The following KCNIP4 variants were observed in gnomAD, a reference collection of about 807,000 sequenced individuals.
KCNIP4 encodes potassium voltage-gated channel interacting protein 4.
KCNIP4 carries 12 observed loss-of-function variants against 34.0 expected under a neutral mutation model. The observed-to-expected ratio is 0.35, with a 90% confidence interval of 0.23 to 0.57. The LOEUF (loss-of-function observed/expected upper bound fraction) is 0.57. Among genes scored for constraint, KCNIP4 ranks in the 20% least tolerant of loss-of-function variants. The pLI is 0.83. For missense variants in KCNIP4, 238 were observed against 311.7 expected (o/e 0.76, Z 1.78); for synonymous variants, 124 against 102.2 (o/e 1.21, Z -1.29).
intron 1 of KCNIP4, among the ~76,000 whole-genome samples, chr4:20,890,571 A>G (rs1725817781): frequency 6.6e-6 from 1 of 152,116 alleles, no homozygotes; most frequent in Admixed American, 6.6e-5. Flanking sequence ...GCTACCTACA[A>G]TGGGCAGATT....
intron 3 of KCNIP4, among the ~76,000 whole-genome samples, chr4:20,827,808 C>CAAA (rs11295104): frequency 1.4e-5 from 2 of 142,552 alleles, no homozygotes; most frequent in South Asian, 2.2e-4. Flanking sequence ...CCATCCCCCT[C>CAAA]AAAAAAAAAA....
intron 1 of KCNIP4, among the ~76,000 whole-genome samples, chr4:20,973,688 C>T (rs1735203597): frequency 6.6e-6 from 1 of 152,128 alleles, no homozygotes; most frequent in African/African-American, 2.4e-5. Context: ...AGATGTATGA[C>T]TCTTCCCTTT....
At chr4:21,579,635 A>G (rs1033348968) in intron 1 of KCNIP4, among the ~76,000 whole-genome samples, 7 of 152,006 alleles carry the variant, frequency 4.6e-5, no homozygotes, top group African/African-American at 1.7e-4. Flanking sequence ...ACCCTCAAAC[A>G]CCTTGCTTTT....
In KCNIP4 at chr4:20,849,169, C is replaced by A. The variant is rs111934419; in HGVS notation, c.288+1374G>T. On this transcript the variant is annotated intron_variant, in intron 3 of 8. Transcript: ENST00000382152. The stretch of plus-strand genomic sequence containing the variant: ...CTATCAGATTCCTTTAATCAGTGGT[C>A]TGTGTGTGTGGTGAGCACTCATCTC... 1.3e-3 allele frequency among the ~76,000 whole-genome samples: 193 copies of A among 152,230 alleles called. 2 individuals are homozygous for A. The highest frequency in any genetic ancestry group is 4.4e-3 in the African/African-American group (183 of 41,550).
chr4:21,429,942 T>A (rs1196851441), intron 1 of KCNIP4, among the ~76,000 whole-genome samples: 1 of 152,172 alleles, frequency 6.6e-6, no homozygotes, highest in East Asian at 1.9e-4. Flanking sequence ...CAGTATGCAC[T>A]GAGCATCTAT....
At chr4:21,094,548 G>C (rs1048238228) in intron 1 of KCNIP4, among the ~76,000 whole-genome samples, 28 of 152,140 alleles carry the variant, frequency 1.8e-4, no homozygotes, top group African/African-American at 6.5e-4. Flanking sequence ...AGAATTGCCA[G>C]GGTCCCCTAG....
Position 21,090,631 on chromosome 4 carries a change from A to C in KCNIP4, c.62-207922T>G, listed in dbSNP as rs1482073697. Among the ~76,000 whole-genome samples, 3 of 152,242 alleles carry C rather than the reference A, an allele frequency of 2.0e-5. No homozygotes were observed. In the East Asian group the frequency reaches 5.8e-4, roughly 29 times the overall value. On this transcript the variant is annotated intron_variant, in intron 1 of 8. Transcript: ENST00000382152. ...GTATGTTCCTCTCAAATATTTTAAA[A>C]TTATTTTAAGTCACAGATTGTTTCA...
chr4:21,647,157 G>T (rs1048059490), intron 1 of KCNIP4, among the ~76,000 whole-genome samples: 1 of 151,820 alleles, frequency 6.6e-6, no homozygotes, highest in African/African-American at 2.4e-5. Context: ...TCTTTGAGTT[G>T]CAGTTTATCT....
chr4:21,565,357 C>T (rs891846695), intron 1 of KCNIP4, among the ~76,000 whole-genome samples: 2 of 152,106 alleles, frequency 1.3e-5, no homozygotes, highest in Non-Finnish European at 2.9e-5. Context: ...GGAGCCCTAC[C>T]TTCATGATTT....
At chr4:21,559,125 A>G (rs73252254) in intron 1 of KCNIP4, among the ~76,000 whole-genome samples, 8,660 of 152,176 alleles carry the variant, frequency 0.057, 689 homozygotes, top group Admixed American at 0.23. Context: ...TAAAAGTGGG[A>G]TATTAACAGC....
intron 1 of KCNIP4, among the ~76,000 whole-genome samples, chr4:21,486,231 C>CT (rs71191511): frequency 0.12 from 18,621 of 152,108 alleles, 1,296 homozygotes; most frequent in South Asian, 0.21. Context: ...ATGTTTCCTT[C>CT]TTTTTTCAGT....
At chr4:20,986,758 C>T (rs1030692924) in intron 1 of KCNIP4, among the ~76,000 whole-genome samples, 2 of 152,128 alleles carry the variant, frequency 1.3e-5, no homozygotes, top group Admixed American at 6.5e-5. Context: ...TCTCATTTTC[C>T]AGGATTGAAA....
intron 1 of KCNIP4, among the ~76,000 whole-genome samples, chr4:21,000,138 C>T (rs1192625142): frequency 6.6e-6 from 1 of 152,118 alleles, no homozygotes; most frequent in Non-Finnish European, 1.5e-5. Context: ...TCGATTCCAG[C>T]AGGTGCTAAG....
At chr4:21,477,125 T>C (rs1283148559) in intron 1 of KCNIP4, among the ~76,000 whole-genome samples, 2 of 152,162 alleles carry the variant, frequency 1.3e-5, no homozygotes, top group African/African-American at 2.4e-5. Context: ...GATCCATGGG[T>C]TGAGTTATAA....
intron 1 of KCNIP4, among the ~76,000 whole-genome samples, chr4:21,792,140 CTT>C (rs1222159170): frequency 2.0e-5 from 3 of 151,440 alleles, no homozygotes; most frequent in Admixed American, 2.0e-4. Context: ...ATTTATCTCT[CTT>C]GTTTCTCTCT....
intron 1 of KCNIP4, among the ~76,000 whole-genome samples, chr4:21,600,691 T>C (rs1231168000): frequency 6.6e-6 from 1 of 152,126 alleles, no homozygotes; most frequent in Non-Finnish European, 1.5e-5. Context: ...TAAACACTCA[T>C]GCTCTGCATG....
chr4:20,847,267 C>G (rs1720495041), intron 3 of KCNIP4, among the ~76,000 whole-genome samples: 1 of 152,128 alleles, frequency 6.6e-6, no homozygotes, highest in South Asian at 2.1e-4. Context: ...GGGAACTGCC[C>G]AAATGAGTAA....
intron 3 of KCNIP4, among the ~76,000 whole-genome samples, chr4:20,825,225 G>GTTTTTTTTTTTTTTTT (rs71181592): frequency 3.5e-5 from 4 of 113,632 alleles, no homozygotes; most frequent in African/African-American, 6.9e-5. Context: ...TCAATTTTAC[G>GTTTTTTTTTTTTTTTT]TTTTTTTTTT....
At chr4:21,500,571 G>A (rs1446585241) in intron 1 of KCNIP4, among the ~76,000 whole-genome samples, 4 of 152,120 alleles carry the variant, frequency 2.6e-5, no homozygotes, top group Non-Finnish European at 4.4e-5. Context: ...AAGTCATTGC[G>A]TTATTAGAGA....
Sources: allele counts gnomAD v4.1 joint callset (sites outside exome capture counted in the v4.1 genomes callset), GRCh38; gene constraint gnomAD v4.1.1; transcripts MANE v1.5; gene names NCBI Gene and HGNC (gene_info 2026-07-23, HGNC 2026-07-21).